The following ANAPC4 variants were observed in gnomAD, a reference collection of about 807,000 sequenced individuals.
ANAPC4 encodes anaphase-promoting complex subunit 4.
A neutral mutation model predicts 119.8 loss-of-function variants in ANAPC4; 63 were observed. That is an observed-to-expected ratio of 0.53 (90% confidence interval 0.43 to 0.65). The LOEUF (loss-of-function observed/expected upper bound fraction) is 0.65, where lower values mean the gene tolerates loss of function less well. Among genes scored for constraint, ANAPC4 ranks in the 30% least tolerant of loss-of-function variants. The pLI is 0.00. For synonymous variants in ANAPC4, 283 were observed against 318.6 expected (o/e 0.89, Z 1.19); for missense variants, 716 against 945.1 (o/e 0.76, Z 3.18).
chr4:25,382,777 GA>G (rs1721810243), intron 3 of ANAPC4, among the ~76,000 whole-genome samples: 1 of 152,120 alleles, frequency 6.6e-6, no homozygotes, highest in South Asian at 2.1e-4. Context: ...AACCATACTA[GA>G]AAATTCAGCC....
intron 14 of ANAPC4, 128 bp downstream of exon 14, chr4:25,395,033 C>T: frequency 1.5e-6 from 1 of 676,164 alleles, no homozygotes; most frequent in Non-Finnish European, 2.5e-6. Flanking sequence ...TGTTGCATGG[C>T]ATTTGAGAAG....
chr4:25,386,812 A>G (rs1722062538), intron 4 of ANAPC4, among the ~76,000 whole-genome samples: 1 of 152,184 alleles, frequency 6.6e-6, no homozygotes, highest in African/African-American at 2.4e-5. Context: ...TGAAGGAGAT[A>G]TGCCTGTATT....
At chr4:25,383,134 T>C in intron 3 of ANAPC4, 127 bp from the exon 4 acceptor site, 1 of 812,918 alleles carries the variant, frequency 1.2e-6, no homozygotes, top group Non-Finnish European at 1.8e-6. Flanking sequence ...TATTGAAGGA[T>C]GTTTAGGTCA....
At chr4:25,396,035 C>T (rs1722630020) in intron 14 of ANAPC4, among the ~76,000 whole-genome samples, 3 of 152,218 alleles carry the variant, frequency 2.0e-5, no homozygotes, top group Admixed American at 2.0e-4. Flanking sequence ...ATTTTGTCTC[C>T]TGCCTAGGGC....
intron 16 of ANAPC4, among the ~76,000 whole-genome samples, chr4:25,402,166 A>T (rs553630507): frequency 1.3e-5 from 2 of 152,282 alleles, no homozygotes; most frequent in East Asian, 3.9e-4. Flanking sequence ...AACATAAGAG[A>T]TGTTTCAGTC....
At position 25,405,529 on chromosome 4, in the gene ANAPC4, T is replaced by C; in HGVS notation, c.1271-44T>C. 6.6e-7 allele frequency: 1 copy of C among 1,520,840 alleles called. No homozygotes were observed. The highest frequency in any genetic ancestry group is 9.1e-7 in the Non-Finnish European group (1 of 1,096,120). The allele number at this position is 1,520,840 out of a possible 1,614,324, so 94.2% of individuals were successfully genotyped here. The stretch of plus-strand genomic sequence containing the variant: ...ATGTATTTATAATTAAAATTATGTT[T>C]GTAGTTTGCTTTTAAAGATAGTTTT... On this transcript the variant is annotated intron_variant, in intron 17 of 28. Transcript: ENST00000315368. The surrounding 1 kb of genome is among the most constrained non-coding windows in gnomAD (Gnocchi z 4.6).
Position 25,418,097 on chromosome 4 carries a change from T to C in ANAPC4, c.2200-58T>C, listed in dbSNP as rs541389901. ...TTGATTCAGACTTCTGATTTCTAATTCTTTATATATGATAAGCCATTAATT... is the reference window on the plus strand; with the variant it reads ...TTGATTCAGACTTCTGATTTCTAATCCTTTATATATGATAAGCCATTAATT... On this transcript the variant is annotated intron_variant, in intron 28 of 28. Coordinates refer to ENST00000315368, the MANE Select transcript of ANAPC4 (RefSeq NM_013367.3). The C allele has an allele frequency of 1.0e-5, 15 of 1,432,512 alleles. No individual in the cohort carries two copies. In the African/African-American group the frequency reaches 2.0e-4, roughly 19 times the overall value. The allele number at this position is 1,432,512 out of a possible 1,614,324, so 88.7% of individuals were successfully genotyped here. A position where few individuals can be genotyped will look rare whatever the true frequency, so the allele number is the denominator to read the frequency against.
chr4:25,410,502 G>A (rs1273883961), intron 21 of ANAPC4, among the ~76,000 whole-genome samples: 1 of 152,072 alleles, frequency 6.6e-6, no homozygotes, highest in Non-Finnish European at 1.5e-5. Context: ...TCTATGGGTA[G>A]GTACTTGGTA....
rs201340984 is a variant in ANAPC4, at chr4:25,394,941, C to T, written c.1061+36C>T. The stretch of plus-strand genomic sequence containing the variant: ...GACGTAGAATTTTTTGGTATTGTAT[C>T]CACACATACCTGGCGTTGGCCTTCT... On this transcript the variant is annotated intron_variant, in intron 14 of 28. Coordinates refer to ENST00000315368, the MANE Select transcript of ANAPC4 (RefSeq NM_013367.3). 5 of 1,490,768 alleles carry T rather than the reference C, an allele frequency of 3.4e-6. No homozygotes were observed. In the East Asian group the frequency reaches 1.1e-4, roughly 34 times the overall value. The allele number at this position is 1,490,768 out of a possible 1,614,324, so 92.3% of individuals were successfully genotyped here.
intron 2 of ANAPC4, 145 bp downstream of exon 2, chr4:25,377,701 C>G: frequency 8.2e-7 from 1 of 1,214,838 alleles, no homozygotes. Context: ...CCTGCTACCC[C>G]TTCCCTGCCT....
chr4:25,394,835 A>C lies in ANAPC4; in HGVS notation c.991A>C (p.Lys331Gln), dbSNP rs1338668672. 6.2e-7 allele frequency: 1 copy of C among 1,611,240 alleles called. No individual in the cohort carries two copies. The highest frequency in any genetic ancestry group is 8.5e-7 in the Non-Finnish European group (1 of 1,179,264). ...LMNQLTVKGL[K>Q]KLGQSIESSY... is the part of the protein sequence containing the mutation. ...ATTTTCCTTTTTTAATTAGGGCTTG[A>C]AAAAGCTTGGCCAGTCTATAGAGTC... The change falls in exon 14 of 29, where the codon AAA becomes CAA. Residue 331 changes from lysine to glutamine, a missense_variant. By Grantham distance (53) the Lys-to-Gln change is moderately conservative (BLOSUM62 1). Around this residue, in one of 3 missense-constraint regions of ANAPC4, gnomAD observed 504 missense variants for 615.8 expected, o/e 0.82. Coordinates refer to ENST00000315368, the MANE Select transcript of ANAPC4 (RefSeq NM_013367.3).
intron 20 of ANAPC4, among the ~76,000 whole-genome samples, chr4:25,408,718 T>G (rs1406541987): frequency 6.6e-6 from 1 of 151,948 alleles, no homozygotes; most frequent in East Asian, 1.9e-4. Flanking sequence ...AGGCTGGTCT[T>G]GAGCTCCTGG....
At position 25,377,682 on chromosome 4, in the gene ANAPC4, G is replaced by T; in HGVS notation, c.129+126G>T. On this transcript the variant is annotated intron_variant, in intron 2 of 28. Coordinates refer to ENST00000315368, the MANE Select transcript of ANAPC4 (RefSeq NM_013367.3). ...CCTCAGTTTCCCCTTCTGCAGACAT[G>T]GCTGGCCACCTGCTACCCCTTCCCT... 3 of 1,395,216 alleles carry T rather than the reference G, an allele frequency of 2.2e-6. No individual in the cohort carries two copies. In the Admixed American group the frequency reaches 7.4e-5, roughly 35 times the overall value. 86.4% of individuals were successfully genotyped at this position (1,395,216 alleles called of 1,614,324 possible).
intron 20 of ANAPC4, 129 bp from the exon 21 acceptor site, chr4:25,409,563 TTAAAAA>T (rs1723449158): frequency 3.3e-6 from 2 of 606,270 alleles, no homozygotes; most frequent in African/African-American, 3.7e-5. Context: ...TAAAAAAGTG[TTAAAAA>T]TAAACCGATT....
intron 2 of ANAPC4, among the ~76,000 whole-genome samples, chr4:25,377,931 G>A (rs899230290): frequency 2.6e-5 from 4 of 152,208 alleles, no homozygotes; most frequent in Admixed American, 1.3e-4. Context: ...TAGATGCAGG[G>A]ACCCTGCCCT....
rs1203412200 is a variant in ANAPC4 at position 25,383,407 on chromosome 4, C to T, written c.368+14C>T. Reference sequence around the variant, plus strand: ...AGTAGAAAGCAGGTAATTAGAAAAACTTATGTAGTCATAGGGTATTCATGA... The same window carrying T: ...AGTAGAAAGCAGGTAATTAGAAAAATTTATGTAGTCATAGGGTATTCATGA... On this transcript the variant is annotated intron_variant, in intron 4 of 28. Transcript: ENST00000315368. The T allele has an allele frequency of 6.3e-7, 1 of 1,596,276 alleles. No homozygotes were observed.
Position 25,377,334 on chromosome 4 carries a change from G to A in ANAPC4, c.-21G>A, listed in dbSNP as rs569755321. 1.2e-3 allele frequency: 1,797 copies of A among 1,527,616 alleles called. 6 individuals carry two copies. In the Middle Eastern group the frequency reaches 0.023, roughly 20 times the overall value. The allele number at this position is 1,527,616 out of a possible 1,614,324, so 94.6% of individuals were successfully genotyped here. ...GGGGCCGTGTTAGTCTGCCGGTGGG[G>A]ACTCTTGCAGGTACAGGCGCGGTCG... On this transcript the variant is annotated 5_prime_UTR_variant, in exon 1 of 29. Transcript: ENST00000315368.
intron 3 of ANAPC4, among the ~76,000 whole-genome samples, chr4:25,382,111 T>A (rs1464221381): frequency 2.4e-5 from 2 of 82,544 alleles, no homozygotes; most frequent in Non-Finnish European, 5.7e-5. Context: ...TGTATAGCTT[T>A]TTCTTTTTTT....
chr4:25,387,610 T>C (rs1241508650), intron 4 of ANAPC4, among the ~76,000 whole-genome samples: 8 of 152,270 alleles, frequency 5.3e-5, no homozygotes, highest in African/African-American at 1.7e-4. Context: ...AGAAGTGTTA[T>C]GTGGCGATTC....
Sources: gnomAD v4.1 joint callset for allele counts (sites outside exome capture counted in the v4.1 genomes callset) on GRCh38, gnomAD v4.1.1 for gene constraint, gnomAD v4.1.1 regional missense constraint, Gnocchi (gnomAD v3.1) non-coding constraint, MANE v1.5 for transcripts, NCBI Gene and HGNC (gene_info 2026-07-23, HGNC 2026-07-21) for gene names.